The following GARS1 variants were observed in gnomAD, a reference collection of about 807,000 sequenced individuals.
The protein encoded by GARS1 is glycine--tRNA ligase.
In GARS1, 46 loss-of-function variants were observed where a neutral mutation model predicts 86.4. The ratio of observed to expected loss-of-function variants is 0.53; its 90% CI spans 0.42 to 0.68. GARS1 has a LOEUF of 0.68. Among genes scored for constraint, GARS1 ranks in the 30% least tolerant of loss-of-function variants. The probability of loss-of-function intolerance (pLI) is 0.00; values close to 1 mark genes in which losing one functional copy is unlikely to be tolerated. For synonymous variants in GARS1, 342 were observed against 329.8 expected (o/e 1.04, Z -0.40); for missense variants, 797 against 915.6 (o/e 0.87, Z 1.67).
intron 6 of GARS1, among the ~76,000 whole-genome samples, chr7:30,608,788 G>C (rs1162255469): frequency 6.6e-6 from 1 of 152,134 alleles, no homozygotes; most frequent in East Asian, 1.9e-4. Context: ...AGAGAGGTTA[G>C]GTAAGAACTT....
chr7:30,619,768 C>CT (rs1432739282), intron 10 of GARS1, among the ~76,000 whole-genome samples: 1 of 138,974 alleles, frequency 7.2e-6, no homozygotes, highest in South Asian at 2.3e-4. Flanking sequence ...GTAGTTTTTT[C>CT]TTTTTTTCTT....
At position 30,619,776 on chromosome 7, in the gene GARS1, CTTTTTTTT is replaced by C. The variant is rs61613428; in HGVS notation, c.1360-1605_1360-1598del. ...AAGCTTAGTAGTTTTTTCTTTTTTT[CTTTTTTTT>C]TTTTTTTTTTTGAGACAGAGTCTTA... On this transcript the variant is annotated intron_variant, in intron 10 of 16. Transcript: ENST00000389266. 6.5e-4 allele frequency among the ~76,000 whole-genome samples: 81 copies of C among 124,290 alleles called. 1 individual carries two copies. The highest frequency in any genetic ancestry group is 3.9e-3 in the East Asian group (17 of 4,320). 81.5% of individuals were successfully genotyped at this position (124,290 alleles called of 152,430 possible). A position where few individuals can be genotyped will look rare whatever the true frequency, so the allele number is the denominator to read the frequency against.
chr7:30,594,905 C>T lies in GARS1; in HGVS notation c.-17C>T. 2.6e-6 allele frequency: 4 copies of T among 1,545,692 alleles called. No individual in the cohort carries two copies. Among genetic ancestry groups the T allele is most frequent in the East Asian group, 2.4e-5 (1 of 41,936 alleles). On this transcript the variant is annotated 5_prime_UTR_variant, in exon 1 of 17. Coordinates refer to ENST00000389266, the MANE Select transcript of GARS1 (RefSeq NM_002047.4). ...TTCCGTCGCCACCCTCTCTGGACAG[C>T]CCAGGGCCGCAGGCTCATGCCCTCT... is the stretch of plus-strand genomic sequence containing the variant.
At position 30,600,049 on chromosome 7, in the gene GARS1, G is replaced by A. The variant is rs1584022929; in HGVS notation, c.427G>A (p.Gly143Ser). The change falls in exon 3 of 17, where the codon GGT (glycine) becomes AGT (serine). Residue 143 changes from glycine to serine, a missense_variant and splice_region_variant. Coordinates refer to ENST00000389266, the MANE Select transcript of GARS1 (RefSeq NM_002047.4). ...TGATCAAGCTTTTGCTATTTATGGAGGTAAGGGATTAATGACAAAAAGAAC... is the reference window on the plus strand; with the variant it reads ...TGATCAAGCTTTTGCTATTTATGGAAGTAAGGGATTAATGACAAAAAGAAC... ...FYDQAFAIYGGVSGLYDFGPV... is the reference protein window; with the variant it reads ...FYDQAFAIYGSVSGLYDFGPV... 1.3e-6 allele frequency: 2 copies of A among 1,599,614 alleles called. No individual in the cohort carries two copies. Among genetic ancestry groups the A allele is most frequent in the Non-Finnish European group, 1.7e-6 (2 of 1,166,838 alleles).
rs374318595 is a variant in GARS1, at chr7:30,603,675, T to C, written c.735+103T>C. On this transcript the variant is annotated intron_variant, in intron 6 of 16. Transcript: ENST00000389266. ...TCCCATTATGCTGACCCTGGCCACA[T>C]TGTAATGAAGCAGAGGTTAATTCTG... 867 of 835,918 alleles carry C rather than the reference T, an allele frequency of 1.0e-3. 3 individuals carry two copies. Among genetic ancestry groups the C allele is most frequent in the Middle Eastern group, 0.01 (47 of 4,544 alleles). The allele number at this position is 835,918 out of a possible 1,614,324, so 51.8% of individuals were successfully genotyped here. A position where few individuals can be genotyped will look rare whatever the true frequency, so the allele number is the denominator to read the frequency against.
At chr7:30,599,028 C>A in intron 2 of GARS1, 131 bp downstream of exon 2, 1 of 732,622 alleles carries the variant, frequency 1.4e-6, no homozygotes, top group Non-Finnish European at 2.4e-6. Context: ...ATCCATAATG[C>A]CGCCTTCTCC....
rs549993976 is a variant in GARS1, at chr7:30,594,891, C to T, written c.-31C>T. ...GCGGCGCGCGCCGCTTCCGTCGCCA[C>T]CCTCTCTGGACAGCCCAGGGCCGCA... On this transcript the variant is annotated 5_prime_UTR_variant, in exon 1 of 17. Coordinates refer to ENST00000389266, the MANE Select transcript of GARS1 (RefSeq NM_002047.4). 3.3e-6 allele frequency: 5 copies of T among 1,523,276 alleles called. No individual in the cohort carries two copies. Among genetic ancestry groups the T allele is most frequent in the Admixed American group, 3.9e-5 (2 of 51,132 alleles). 94.4% of individuals were successfully genotyped at this position (1,523,276 alleles called of 1,614,324 possible).
Position 30,616,093 on chromosome 7 carries a change from C to T in GARS1, c.1194+35C>T, listed in dbSNP as rs776736879. The T allele has an allele frequency of 3.2e-5, 51 of 1,611,746 alleles. 1 individual carries two copies. The Admixed American group carries it at 8.0e-4, about 25-fold the overall frequency. ...TGGAGGTAACTTAACTTAGATTGTG[C>T]CTGTTCAGGGTTTGCAGCAATTAGC... On this transcript the variant is annotated intron_variant, in intron 9 of 16. Transcript: ENST00000389266.
Position 30,598,885 on chromosome 7 carries a change from T to G in GARS1, c.312T>G (p.Val104=). The G allele has an allele frequency of 6.2e-7, 1 of 1,613,838 alleles. No homozygotes were observed. Among genetic ancestry groups the G allele is most frequent in the Non-Finnish European group, 8.5e-7 (1 of 1,179,712 alleles). The change falls in exon 2 of 17, where the codon GTT becomes GTG. Residue 104 remains valine, a synonymous_variant. Transcript: ENST00000389266. The stretch of plus-strand genomic sequence containing the variant: ...CTGAGCTCAAAGCCCGCAAGAGGGT[T>G]CTGGAAGCAAAGGTGAGTCCTGGGA... ...AVAELKARKR[V]LEAKELALQP... is the part of the protein sequence containing the mutation.
intron 14 of GARS1, chr7:30,631,245 A>G: frequency 2.1e-6 from 1 of 472,216 alleles, no homozygotes; most frequent in Non-Finnish European, 3.9e-6. Flanking sequence ...CTTGGCCTAA[A>G]TTCGGAGCTG....
chr7:30,609,801 A>G (rs1359400910), intron 7 of GARS1, 71 bp downstream of exon 7: 7 of 1,482,592 alleles, frequency 4.7e-6, no homozygotes, highest in Admixed American at 1.8e-5. Context: ...AAAGGTAAAT[A>G]TCAATGTTAT....
intron 10 of GARS1, among the ~76,000 whole-genome samples, chr7:30,620,362 A>G (rs1782980135): frequency 1.3e-5 from 2 of 152,104 alleles, no homozygotes; most frequent in South Asian, 4.1e-4. Flanking sequence ...GATCCTTGTG[A>G]GGGCCCCATT....
At chr7:30,603,701 T>C in intron 6 of GARS1, 129 bp downstream of exon 6, 1 of 735,716 alleles carries the variant, frequency 1.4e-6, no homozygotes, top group Non-Finnish European at 2.4e-6. Flanking sequence ...GTTAATTCTG[T>C]CCTGTATAGC....
chr7:30,617,395 C>A (rs986919660), intron 10 of GARS1, 117 bp downstream of exon 10: 3 of 1,269,918 alleles, frequency 2.4e-6, no homozygotes, highest in Non-Finnish European at 3.3e-6. Flanking sequence ...GAAAAGAGAT[C>A]TTTTCCTGAG....
chr7:30,603,305 A>T (rs1345011251), intron 5 of GARS1, among the ~76,000 whole-genome samples, 183 bp downstream of exon 5: 4 of 152,250 alleles, frequency 2.6e-5, no homozygotes, highest in Non-Finnish European at 5.9e-5. Flanking sequence ...AATTAGTTAT[A>T]TACAGATAAT....
At chr7:30,613,501 G>A (rs530425778) in intron 8 of GARS1, among the ~76,000 whole-genome samples, 6 of 152,364 alleles carry the variant, frequency 3.9e-5, no homozygotes, top group African/African-American at 1.4e-4. Context: ...TCTGAAGCCA[G>A]TGTTACGAAG....
chr7:30,612,095 G>C lies in GARS1; in HGVS notation c.882-1G>C. 1 of 1,612,858 alleles carries C rather than the reference G, an allele frequency of 6.2e-7. No homozygotes were observed. The highest frequency in any genetic ancestry group is 8.5e-7 in the Non-Finnish European group (1 of 1,178,896). ...ACAGACTGACTTACTTAAATTTATA[G>C]GTACTTGAGACCAGAAACTGCACAG... is the stretch of plus-strand genomic sequence containing the variant. On this transcript the variant is annotated splice_acceptor_variant, in intron 7 of 16. Coordinates refer to ENST00000389266, the MANE Select transcript of GARS1 (RefSeq NM_002047.4). LOFTEE classifies it high-confidence loss of function.
chr7:30,632,076 C>T lies in GARS1; in HGVS notation c.1904-171C>T, dbSNP rs779208127. On this transcript the variant is annotated intron_variant, in intron 15 of 16. Transcript: ENST00000389266. The surrounding 1 kb of genome is among the most constrained non-coding windows in gnomAD (Gnocchi z 4.1). The stretch of plus-strand genomic sequence containing the variant: ...AGGTATGAGTGAAGATTTGGATTCC[C>T]GCAAGGGATTTATTAAACTTTAGGG... 16 of 679,414 alleles carry T rather than the reference C, an allele frequency of 2.4e-5. No individual in the cohort carries two copies. Among genetic ancestry groups the T allele is most frequent in the African/African-American group, 1.1e-4 (6 of 56,108 alleles). 42.1% of individuals were successfully genotyped at this position (679,414 alleles called of 1,614,324 possible).
intron 3 of GARS1, among the ~76,000 whole-genome samples, chr7:30,600,766 G>A (rs1367891308): frequency 6.6e-6 from 1 of 152,128 alleles, no homozygotes. Flanking sequence ...TAATTTTTAC[G>A]GCAGAAAACT....
Sources: allele counts gnomAD v4.1 joint callset (sites outside exome capture counted in the v4.1 genomes callset), GRCh38; gene constraint gnomAD v4.1.1; non-coding constraint Gnocchi (gnomAD v3.1); transcripts MANE v1.5; gene names NCBI Gene and HGNC (gene_info 2026-07-23, HGNC 2026-07-21).